Variants in TSPAN33 observed in about 807,000 individuals in gnomAD.
The protein encoded by TSPAN33 is tetraspanin 33.
Under a neutral mutation model 34.8 loss-of-function variants are expected in TSPAN33, and 27 were observed. The observed-to-expected ratio is 0.78, with a 90% CI of 0.57 to 1.07. TSPAN33 has a LOEUF of 1.07. Ranked by LOEUF, TSPAN33 falls within the 50% of genes least tolerant of loss-of-function variation. TSPAN33 has a pLI of 0.00. For synonymous variants in TSPAN33, 119 were observed against 124.2 expected (o/e 0.96, Z 0.28); for missense variants, 272 against 324.9 (o/e 0.84, Z 1.25).
rs763449599 is a variant in TSPAN33 at position 129,167,864 on chromosome 7, C to T, written c.842C>T (p.Pro281Leu). Residue 281 changes from proline (P) to leucine (L), a missense_variant, in exon 8 of 8, where the codon CCA becomes CTA. By Grantham distance (98) the Pro-to-Leu change is moderately conservative. Transcript: ENST00000486685. This position sits in a 1 kb window ranked among gnomAD's most constrained non-coding sequence, Gnocchi z 4.6. Reference protein sequence around the residue: ...QLYNQQHRADPWY With the variant: ...QLYNQQHRADLWY ...TACAACCAGCAGCACCGGGCTGACC[C>T]ATGGTACTGAGAATCCATCCTGCAC... is the stretch of plus-strand genomic sequence containing the variant. The T allele has an allele frequency of 6.2e-7, 1 of 1,614,000 alleles. No homozygotes were observed. Among genetic ancestry groups the T allele is most frequent in the South Asian group, 1.1e-5 (1 of 91,036 alleles).
At chr7:129,162,326 C>T in intron 2 of TSPAN33, 68 bp from the exon 3 acceptor site, 1 of 1,592,206 alleles carries the variant, frequency 6.3e-7, no homozygotes, top group Non-Finnish European at 8.5e-7. Flanking sequence ...TTTGGGGCAC[C>T]CTCCCACCCC....
rs952472203 is a variant in TSPAN33 at position 129,144,897 on chromosome 7, C to T, written c.-84C>T. ...CGGGCTCCTGCGCGGCGCGGCTCGGCTCATGCCCCCGGGCGCGGGGCACAC... is the reference window on the plus strand; with the variant it reads ...CGGGCTCCTGCGCGGCGCGGCTCGGTTCATGCCCCCGGGCGCGGGGCACAC... On this transcript the variant is annotated 5_prime_UTR_variant, in exon 1 of 8. Coordinates refer to ENST00000486685, the MANE Select transcript of TSPAN33 (RefSeq NM_178562.5). 28 of 263,632 alleles carry T rather than the reference C, an allele frequency of 1.1e-4. No individual in the cohort carries two copies. Among genetic ancestry groups the T allele is most frequent in the African/African-American group, 5.8e-4 (25 of 43,008 alleles). 16.3% of individuals were successfully genotyped at this position (263,632 alleles called of 1,614,324 possible).
chr7:129,147,657 C>T (rs1810538702), intron 1 of TSPAN33, among the ~76,000 whole-genome samples: 1 of 152,178 alleles, frequency 6.6e-6, no homozygotes, highest in Non-Finnish European at 1.5e-5. Flanking sequence ...ATGGTCAGCC[C>T]ACACCCTTTG....
chr7:129,162,162 C>T (rs571275472), intron 2 of TSPAN33, among the ~76,000 whole-genome samples: 8 of 152,370 alleles, frequency 5.3e-5, no homozygotes, highest in African/African-American at 1.4e-4. Flanking sequence ...TCCTTAAGCC[C>T]AGGAATAAAG....
At chr7:129,164,397 T>C (rs1236031194) in intron 4 of TSPAN33, 77 bp from the exon 5 acceptor site, 1 of 1,248,388 alleles carries the variant, frequency 8.0e-7, no homozygotes, top group East Asian at 2.3e-5. Flanking sequence ...ATGATCCCTG[T>C]CTACTGTTAT....
At chr7:129,156,170 T>C (rs1563137036) in intron 1 of TSPAN33, among the ~76,000 whole-genome samples, 2 of 152,220 alleles carry the variant, frequency 1.3e-5, no homozygotes, top group Non-Finnish European at 2.9e-5. Context: ...TTATTGGAAC[T>C]TGCCTGCTGT....
chr7:129,159,141 A>T (rs6949275), intron 1 of TSPAN33, among the ~76,000 whole-genome samples: 116,543 of 150,858 alleles, frequency 0.77, 45,205 homozygotes, highest in Non-Finnish European at 0.8. Context: ...GCTCACTGCA[A>T]CCTCCGCCTC....
chr7:129,166,628 G>A, intron 5 of TSPAN33, 150 bp from the exon 6 acceptor site: 2 of 845,234 alleles, frequency 2.4e-6, no homozygotes, highest in South Asian at 3.9e-5. Flanking sequence ...CAACTGGGAA[G>A]CTGGAGCTCA....
intron 1 of TSPAN33, among the ~76,000 whole-genome samples, chr7:129,151,446 T>C (rs1173585444): frequency 2.0e-5 from 3 of 152,026 alleles, no homozygotes; most frequent in Non-Finnish European, 2.9e-5. Flanking sequence ...TGCAATCCAG[T>C]AGAGATGGAC....
At chr7:129,164,649 T>C in intron 5 of TSPAN33, 80 bp downstream of exon 5, 1 of 1,343,522 alleles carries the variant, frequency 7.4e-7, no homozygotes, top group Non-Finnish European at 1.1e-6. Flanking sequence ...TCTATGCCTG[T>C]GGGGCTCTTC....
chr7:129,159,323 G>A (rs557721489), intron 1 of TSPAN33, among the ~76,000 whole-genome samples: 5 of 152,314 alleles, frequency 3.3e-5, no homozygotes, highest in African/African-American at 9.6e-5. Context: ...CCTAAGTGCT[G>A]GGATTATAGG....
In TSPAN33 at chr7:129,167,924, G is replaced by A. The variant is rs776896132; in HGVS notation, c.*50G>A. Reference sequence around the variant, plus strand: ...ATGGAAACTGGCAAGCCTCATAAACGAACAGCAGTGGGTGCTGAAAGCAGC... The same window carrying A: ...ATGGAAACTGGCAAGCCTCATAAACAAACAGCAGTGGGTGCTGAAAGCAGC... On this transcript the variant is annotated 3_prime_UTR_variant, in exon 8 of 8. Coordinates refer to ENST00000486685, the MANE Select transcript of TSPAN33 (RefSeq NM_178562.5). This position sits in a 1 kb window ranked among gnomAD's most constrained non-coding sequence, Gnocchi z 4.6. 2.5e-6 allele frequency: 4 copies of A among 1,599,140 alleles called. No homozygotes were observed. The highest frequency in any genetic ancestry group is 1.3e-5 in the African/African-American group (1 of 74,442).
intron 5 of TSPAN33, chr7:129,164,931 C>T (rs1793115425): frequency 5.4e-6 from 1 of 186,694 alleles, no homozygotes; most frequent in African/African-American, 2.3e-5. Context: ...CTCTTTCCCC[C>T]CTTCTCACTG....
At chr7:129,146,495 C>T (rs137953163) in intron 1 of TSPAN33, among the ~76,000 whole-genome samples, 135 of 152,360 alleles carry the variant, frequency 8.9e-4, no homozygotes, top group Non-Finnish European at 1.1e-3. Flanking sequence ...AGCTGGTTAG[C>T]AGGCTTGGTC....
chr7:129,166,994 C>T (rs1793152114), intron 6 of TSPAN33, 88 bp downstream of exon 6: 3 of 1,460,114 alleles, frequency 2.1e-6, no homozygotes, highest in African/African-American at 1.4e-5. Flanking sequence ...ATCCCCATCC[C>T]CTAGCTTCAC....
intron 1 of TSPAN33, among the ~76,000 whole-genome samples, chr7:129,155,603 A>G (rs1446504959): frequency 6.6e-6 from 1 of 152,170 alleles, no homozygotes; most frequent in Non-Finnish European, 1.5e-5. Context: ...ACACATTAGT[A>G]TGATACATTT....
At chr7:129,157,691 C>G (rs74753051) in intron 1 of TSPAN33, among the ~76,000 whole-genome samples, 161 of 152,250 alleles carry the variant, frequency 1.1e-3, no homozygotes, top group African/African-American at 3.7e-3. Flanking sequence ...AGCCTCTCCC[C>G]CAACAACCCT....
Position 129,162,405 on chromosome 7 carries a change from G to A in TSPAN33, c.172G>A (p.Ala58Thr), listed in dbSNP as rs752060252. The A allele has an allele frequency of 4.3e-6, 7 of 1,613,262 alleles. No individual in the cohort carries two copies. The South Asian group carries it at 7.7e-5, about 18-fold the overall frequency. Residue 58 changes from alanine to threonine, a missense_variant, in exon 3 of 8, where the codon GCC becomes ACC. By Grantham distance (58) the Ala-to-Thr change is moderately conservative. Coordinates refer to ENST00000486685, the MANE Select transcript of TSPAN33 (RefSeq NM_178562.5). ...GGCTCCTTTTCCAGAAGCAGCCCTA[G>A]CCTGCCTGGCAGTGGACCCTGCCAT... The part of the protein sequence containing the change: ...RLMKHAEAAL[A>T]CLAVDPAILL...
Position 129,167,922 on chromosome 7 carries a change from A to G in TSPAN33, c.*48A>G, listed in dbSNP as rs746848215. ...CCATGGAAACTGGCAAGCCTCATAAACGAACAGCAGTGGGTGCTGAAAGCA... is the reference window on the plus strand; with the variant it reads ...CCATGGAAACTGGCAAGCCTCATAAGCGAACAGCAGTGGGTGCTGAAAGCA... On this transcript the variant is annotated 3_prime_UTR_variant, in exon 8 of 8. Transcript: ENST00000486685. The surrounding 1 kb of genome is among the most constrained non-coding windows in gnomAD (Gnocchi z 4.6). 2 of 1,602,280 alleles carry G rather than the reference A, an allele frequency of 1.2e-6. No individual in the cohort carries two copies. Among genetic ancestry groups the G allele is most frequent in the Admixed American group, 1.7e-5 (1 of 58,222 alleles).
Sources: allele counts gnomAD v4.1 joint callset (sites outside exome capture counted in the v4.1 genomes callset), GRCh38; gene constraint gnomAD v4.1.1; non-coding constraint Gnocchi (gnomAD v3.1); transcripts MANE v1.5; gene names NCBI Gene and HGNC (gene_info 2026-07-23, HGNC 2026-07-21).